TRIM33: variants seen among roughly 807,000 people sequenced by gnomAD.
TRIM33 encodes E3 ubiquitin-protein ligase TRIM33.
TRIM33 carries 20 observed loss-of-function variants against 125.4 expected under a neutral mutation model. The ratio of observed to expected loss-of-function variants is 0.16; its 90% CI spans 0.11 to 0.23. The LOEUF (loss-of-function observed/expected upper bound fraction) is 0.23, where lower values mean the gene tolerates loss of function less well. Ranked by LOEUF, TRIM33 falls within the 10% of genes least tolerant of loss-of-function variation. The pLI, the probability that TRIM33 is intolerant of heterozygous loss-of-function variation, is 1.00. For missense variants in TRIM33, 920 were observed against 1,411.4 expected, an observed-to-expected ratio of 0.65 and a Z score of 5.58; for synonymous variants, 564 against 513.9, an observed-to-expected ratio of 1.10 and a Z score of -1.32.
intron 1 of TRIM33, among the ~76,000 whole-genome samples, chr1:114,486,099 A>AC (rs1237258434): frequency 1.3e-5 from 2 of 151,576 alleles, no homozygotes; most frequent in Non-Finnish European, 2.9e-5. Context: ...ACACGGTGAA[A>AC]CCCCCATCTC....
chr1:114,424,904 G>A (rs1647457426), intron 9 of TRIM33, 149 bp from the exon 10 acceptor site: 1 of 568,196 alleles, frequency 1.8e-6, no homozygotes, highest in Admixed American at 3.7e-5. Context: ...CCAATCCCCA[G>A]AGGACTGGTA....
chr1:114,408,587 A>G, intron 13 of TRIM33, 90 bp downstream of exon 13: 1 of 799,122 alleles, frequency 1.3e-6, no homozygotes, highest in Non-Finnish European at 2.1e-6. Context: ...TGTTAAGTAT[A>G]AAGGGGTTCA....
chr1:114,412,041 G>C (rs939069624), intron 11 of TRIM33, among the ~76,000 whole-genome samples: 1 of 151,358 alleles, frequency 6.6e-6, no homozygotes, highest in Admixed American at 6.6e-5. Flanking sequence ...AATAATCAAC[G>C]AACATAAGAA....
chr1:114,418,043 T>C (rs577329965), intron 11 of TRIM33, among the ~76,000 whole-genome samples: 5 of 152,316 alleles, frequency 3.3e-5, no homozygotes, highest in Admixed American at 2.6e-4. Context: ...GCTATAAAGA[T>C]ACTACCTGAG....
intron 4 of TRIM33, among the ~76,000 whole-genome samples, chr1:114,437,941 G>C (rs956768458): frequency 1.1e-4 from 17 of 152,118 alleles, no homozygotes; most frequent in African/African-American, 4.1e-4. Flanking sequence ...TAATAAAAGG[G>C]TGTTTTTTGC....
rs1280151273 is a variant in TRIM33 at position 114,405,803 on chromosome 1, T to C, written c.2419-44A>G. 4.0e-6 allele frequency: 6 copies of C among 1,493,674 alleles called. No homozygotes were observed. The South Asian group carries it at 5.1e-5, about 13-fold the overall frequency. 92.5% of individuals were successfully genotyped at this position (1,493,674 alleles called of 1,614,324 possible). A position where few individuals can be genotyped will look rare whatever the true frequency, so the allele number is the denominator to read the frequency against. ...AAATTCTTGAAGAATCATTTAATCTTTATTGTATGCCATATGTGTATTTAA... is the reference window on the plus strand; with the variant it reads ...AAATTCTTGAAGAATCATTTAATCTCTATTGTATGCCATATGTGTATTTAA... On this transcript the variant is annotated intron_variant, in intron 14 of 19. Coordinates refer to ENST00000358465, the MANE Select transcript of TRIM33 (RefSeq NM_015906.4).
intron 11 of TRIM33, among the ~76,000 whole-genome samples, chr1:114,410,788 A>AG (rs1319808727): frequency 6.7e-6 from 1 of 148,364 alleles, no homozygotes; most frequent in Non-Finnish European, 1.5e-5. Flanking sequence ...CAAAAAAAAA[A>AG]GGGCACAGTT....
chr1:114,481,773 C>A (rs1036523165), intron 1 of TRIM33, among the ~76,000 whole-genome samples: 6 of 149,288 alleles, frequency 4.0e-5, no homozygotes, highest in Admixed American at 4.0e-4. Context: ...TTTATTTTTT[C>A]TTTTGAGATG....
intron 4 of TRIM33, among the ~76,000 whole-genome samples, chr1:114,441,497 C>T: frequency 6.6e-6 from 1 of 152,084 alleles, no homozygotes; most frequent in Non-Finnish European, 1.5e-5. Flanking sequence ...GCTAAACATT[C>T]TACATTGGAT....
chr1:114,493,933 C>A (rs1652219252), intron 1 of TRIM33, among the ~76,000 whole-genome samples: 1 of 152,162 alleles, frequency 6.6e-6, no homozygotes. Flanking sequence ...TCAAGCGATT[C>A]TCCTGCCTCA....
chr1:114,423,796 C>T (rs538418164), intron 10 of TRIM33, among the ~76,000 whole-genome samples: 10 of 152,124 alleles, frequency 6.6e-5, no homozygotes, highest in South Asian at 2.1e-4. Flanking sequence ...AACTTTAGTA[C>T]GCAGATTGAC....
chr1:114,446,139 A>G (rs1648959625), intron 4 of TRIM33, among the ~76,000 whole-genome samples: 1 of 152,246 alleles, frequency 6.6e-6, no homozygotes, highest in Non-Finnish European at 1.5e-5. Flanking sequence ...TACAGGAGTG[A>G]GCCACTGTGC....
At chr1:114,508,125 T>G (rs1020109305) in intron 1 of TRIM33, among the ~76,000 whole-genome samples, 1 of 152,034 alleles carries the variant, frequency 6.6e-6, no homozygotes, top group Non-Finnish European at 1.5e-5. Flanking sequence ...AAAAAAAAAT[T>G]TTTTTTAATC....
chr1:114,463,196 A>G lies in TRIM33; in HGVS notation c.831T>C (p.Pro277=). 1 of 1,613,270 alleles carries G rather than the reference A, an allele frequency of 6.2e-7. No individual in the cohort carries two copies. The highest frequency in any genetic ancestry group is 8.5e-7 in the Non-Finnish European group (1 of 1,179,742). The part of the protein sequence containing the change: ...GASGQRPVFC[P]VHKQEQLKLF... Reference sequence around the variant, plus strand: ...GTTTCAACTGTTCTTGTTTGTGTACAGGGCAGAAAACAGGGCGTTGACCAG... The same window carrying G: ...GTTTCAACTGTTCTTGTTTGTGTACGGGGCAGAAAACAGGGCGTTGACCAG... Residue 277 remains proline, a synonymous_variant, in exon 4 of 20, where the codon CCT becomes CCC. Transcript: ENST00000358465.
chr1:114,493,358 T>C (rs1005867590), intron 1 of TRIM33, among the ~76,000 whole-genome samples: 6 of 152,242 alleles, frequency 3.9e-5, no homozygotes, highest in African/African-American at 9.6e-5. Flanking sequence ...TTCTGAATAA[T>C]GGCCTTCAAT....
At chr1:114,430,482 T>C (rs536902525) in intron 6 of TRIM33, among the ~76,000 whole-genome samples, 2 of 152,260 alleles carry the variant, frequency 1.3e-5, no homozygotes, top group South Asian at 4.1e-4. Context: ...GCTCAAGCGA[T>C]CTGTCTGCCT....
rs190206984 is a variant in TRIM33, at chr1:114,402,609, G to T, written c.2892+151C>A. On this transcript the variant is annotated intron_variant, in intron 16 of 19. Transcript: ENST00000358465. ...GTAGTTCAGGGTTAGAGGAAAAAAA[G>T]ACTTCAGAAATCATCAATATACCAT... 2,556 of 888,398 alleles carry T rather than the reference G, an allele frequency of 2.9e-3. 10 individuals carry two copies. Among genetic ancestry groups the T allele is most frequent in the South Asian group, 6.0e-3 (265 of 44,148 alleles). The allele number at this position is 888,398 out of a possible 1,614,324, so 55.0% of individuals were successfully genotyped here.
intron 6 of TRIM33, among the ~76,000 whole-genome samples, chr1:114,428,153 CTGTTAAA>C (rs1647708883): frequency 6.6e-6 from 1 of 152,164 alleles, no homozygotes; most frequent in African/African-American, 2.4e-5. Context: ...ATCAACATGT[CTGTTAAA>C]AATAGTGTCT....
At chr1:114,401,491 A>G in intron 16 of TRIM33, 28 bp from the exon 17 acceptor site, 2 of 1,589,244 alleles carry the variant, frequency 1.3e-6, no homozygotes, top group East Asian at 2.3e-5. Context: ...AGGAAAGCAC[A>G]TGAAATATTT....
Sources: allele counts gnomAD v4.1 joint callset (sites outside exome capture counted in the v4.1 genomes callset), GRCh38; gene constraint gnomAD v4.1.1; transcripts MANE v1.5; gene names NCBI Gene and HGNC (gene_info 2026-07-23, HGNC 2026-07-21).